The following RIMS2 variants were observed in gnomAD, a reference collection of about 807,000 sequenced individuals.
RIMS2 encodes regulating synaptic membrane exocytosis 2, also known as regulating synaptic membrane exocytosis protein 2.
In RIMS2, 59 loss-of-function variants were observed where a neutral mutation model predicts 174.4. That is an observed-to-expected ratio of 0.34 (90% CI 0.27 to 0.42). The LOEUF is 0.42. Among genes scored for constraint, RIMS2 ranks in the 10% least tolerant of loss-of-function variants. The probability of loss-of-function intolerance (pLI) is 1.00; values close to 1 mark genes in which losing one functional copy is unlikely to be tolerated. For synonymous variants in RIMS2, 606 were observed against 572.5 expected (o/e 1.06, Z -0.84); for missense variants, 1,620 against 1,666.3 (o/e 0.97, Z 0.48).
intron 2 of RIMS2, among the ~76,000 whole-genome samples, chr8:103,719,772 A>G (rs896454519): frequency 1.3e-5 from 2 of 152,190 alleles, no homozygotes; most frequent in African/African-American, 4.8e-5. Context: ...GCCAGAACAT[A>G]TATCTAACTG....
intron 15 of RIMS2, among the ~76,000 whole-genome samples, chr8:103,973,063 T>C (rs531925777): frequency 6.6e-6 from 1 of 152,334 alleles, no homozygotes; most frequent in African/African-American, 2.4e-5. Flanking sequence ...TTCTAAGTTT[T>C]GTAAGAACAA....
intron 2 of RIMS2, among the ~76,000 whole-genome samples, chr8:103,742,583 G>C (rs1240230649): frequency 6.6e-6 from 1 of 152,042 alleles, no homozygotes; most frequent in African/African-American, 2.4e-5. Context: ...TGTCATATAA[G>C]ATTTCCTAGC....
chr8:103,926,422 G>A (rs1207816474), intron 10 of RIMS2, among the ~76,000 whole-genome samples: 1 of 151,476 alleles, frequency 6.6e-6, no homozygotes, highest in Non-Finnish European at 1.5e-5. Context: ...AAGGAAGACA[G>A]CTTAGATTTG....
chr8:103,603,198 C>T (rs1263514491), intron 1 of RIMS2, among the ~76,000 whole-genome samples: 2 of 141,390 alleles, frequency 1.4e-5, no homozygotes, highest in African/African-American at 5.3e-5. Context: ...CTTCCTGTGT[C>T]CATGTGATCT....
intron 1 of RIMS2, among the ~76,000 whole-genome samples, chr8:103,595,977 G>T (rs1397507774): frequency 1.3e-5 from 2 of 151,762 alleles, no homozygotes; most frequent in Non-Finnish European, 2.9e-5. Flanking sequence ...AAATCATGTT[G>T]CTGTGAACAC....
At chr8:104,189,143 G>C (rs1419705672) in intron 19 of RIMS2, among the ~76,000 whole-genome samples, 1 of 151,962 alleles carries the variant, frequency 6.6e-6, no homozygotes, top group Non-Finnish European at 1.5e-5. Context: ...TAAGCAGCCA[G>C]ACTTTTCTGT....
chr8:103,833,739 T>G (rs1351626230), intron 3 of RIMS2, among the ~76,000 whole-genome samples: 1 of 152,152 alleles, frequency 6.6e-6, no homozygotes, highest in Non-Finnish European at 1.5e-5. Flanking sequence ...ATCCTATCTT[T>G]TTACTCATTT....
At chr8:103,913,849 T>C (rs13248054) in intron 6 of RIMS2, among the ~76,000 whole-genome samples, 100,220 of 151,936 alleles carry the variant, frequency 0.66, 33,991 homozygotes, top group African/African-American at 0.72. Flanking sequence ...AAGGGATCTG[T>C]CCCATGATCC....
intron 14 of RIMS2, among the ~76,000 whole-genome samples, chr8:103,953,574 C>T (rs2086127781): frequency 6.6e-6 from 1 of 152,134 alleles, no homozygotes; most frequent in South Asian, 2.1e-4. Context: ...CACCACCAGG[C>T]CTGTCCTACG....
At chr8:103,941,276 G>A (rs2082469423) in intron 13 of RIMS2, among the ~76,000 whole-genome samples, 1 of 151,876 alleles carries the variant, frequency 6.6e-6, no homozygotes, top group Non-Finnish European at 1.5e-5. Flanking sequence ...GAGACCAGGA[G>A]TCCAAGACCA....
intron 1 of RIMS2, among the ~76,000 whole-genome samples, chr8:103,577,263 G>A (rs1184131471): frequency 6.6e-6 from 1 of 152,176 alleles, no homozygotes; most frequent in Non-Finnish European, 1.5e-5. Flanking sequence ...AGTGGGCAAA[G>A]GATATGAACA....
At chr8:103,685,826 A>T (rs778860937) in intron 1 of RIMS2, among the ~76,000 whole-genome samples, 1 of 152,096 alleles carries the variant, frequency 6.6e-6, no homozygotes, top group Non-Finnish European at 1.5e-5. Context: ...TGTTTTTCAC[A>T]TAAATTTTAG....
At chr8:104,113,501 A>G (rs2098228952) in intron 19 of RIMS2, among the ~76,000 whole-genome samples, 3 of 152,080 alleles carry the variant, frequency 2.0e-5, no homozygotes, top group Admixed American at 1.3e-4. Flanking sequence ...TTTTAAAATT[A>G]TCTTTTGATT....
intron 19 of RIMS2, among the ~76,000 whole-genome samples, chr8:104,140,693 G>A (rs551730418): frequency 2.1e-3 from 324 of 152,250 alleles, no homozygotes; most frequent in African/African-American, 7.6e-3. Context: ...ATGGAGGGCA[G>A]GTACCATTTC....
intron 17 of RIMS2, among the ~76,000 whole-genome samples, chr8:103,991,602 T>G (rs1344787537): frequency 4.6e-5 from 7 of 152,110 alleles, no homozygotes; most frequent in Admixed American, 4.6e-4. Flanking sequence ...ATAATGTTGA[T>G]TAAAAAGCCT....
chr8:103,856,362 G>A (rs1467575989), intron 3 of RIMS2, among the ~76,000 whole-genome samples: 1 of 152,102 alleles, frequency 6.6e-6, no homozygotes, highest in Non-Finnish European at 1.5e-5. Context: ...TATCCAACTT[G>A]CTGTGTCGCA....
chr8:103,841,576 A>G (rs2098939981), intron 3 of RIMS2, among the ~76,000 whole-genome samples: 1 of 152,022 alleles, frequency 6.6e-6, no homozygotes, highest in Admixed American at 6.5e-5. Flanking sequence ...TAACCCAATC[A>G]GCTAGACATT....
intron 19 of RIMS2, among the ~76,000 whole-genome samples, chr8:104,104,025 G>A (rs1393498009): frequency 1.3e-5 from 2 of 152,174 alleles, no homozygotes; most frequent in Non-Finnish European, 2.9e-5. Flanking sequence ...GAAGATGGAG[G>A]AGGAGATGGG....
intron 1 of RIMS2, among the ~76,000 whole-genome samples, chr8:103,611,472 AT>A (rs2134205066): frequency 6.7e-6 from 1 of 149,994 alleles, no homozygotes; most frequent in East Asian, 1.9e-4. Context: ...ACCCTTTAGC[AT>A]TTCTTATAGG....
Sources: gnomAD v4.1 joint callset for allele counts (sites outside exome capture counted in the v4.1 genomes callset) on GRCh38, gnomAD v4.1.1 for gene constraint, MANE v1.5 for transcripts, NCBI Gene and HGNC (gene_info 2026-07-23, HGNC 2026-07-21) for gene names.